The following SSPN variants were observed in gnomAD, a reference collection of about 807,000 sequenced individuals.
The protein encoded by SSPN is sarcospan.
SSPN carries 15 observed loss-of-function variants against 19.1 expected under a neutral mutation model. The ratio of observed to expected loss-of-function variants is 0.78; its 90% CI spans 0.52 to 1.21. The LOEUF is 1.21. SSPN is among the 50% of genes most tolerant of loss of function. SSPN has a pLI of 0.00. For synonymous variants in SSPN, 147 were observed against 140.3 expected, an observed-to-expected ratio of 1.05 and a Z score of -0.34; for missense variants, 291 against 314.0, an observed-to-expected ratio of 0.93 and a Z score of 0.55.
chr12:26,144,330 G>C (rs1944477409), intron 1 of SSPN, among the ~76,000 whole-genome samples: 1 of 152,182 alleles, frequency 6.6e-6, no homozygotes, highest in Non-Finnish European at 1.5e-5. Flanking sequence ...TGGCCACCAG[G>C]CTGTAAGGCA....
At chr12:26,207,182 TC>T (rs1162317293) in intron 1 of SSPN, among the ~76,000 whole-genome samples, 1 of 152,214 alleles carries the variant, frequency 6.6e-6, no homozygotes, top group Non-Finnish European at 1.5e-5. Context: ...AGAATCATTT[TC>T]CAAAAAATAT....
intron 1 of SSPN, among the ~76,000 whole-genome samples, chr12:26,221,294 C>A (rs972107954): frequency 1.3e-5 from 2 of 152,194 alleles, no homozygotes; most frequent in Non-Finnish European, 2.9e-5. Context: ...AAGTTTTCAT[C>A]AGGGTAGTCA....
intron 1 of SSPN, among the ~76,000 whole-genome samples, chr12:26,186,827 A>T (rs1011435426): frequency 1.1e-4 from 17 of 152,202 alleles, no homozygotes; most frequent in Non-Finnish European, 2.1e-4. Flanking sequence ...ATGGTGATGC[A>T]GTGGTAAACA....
At chr12:26,174,805 G>A (rs1168967966) in intron 1 of SSPN, among the ~76,000 whole-genome samples, 1 of 152,148 alleles carries the variant, frequency 6.6e-6, no homozygotes, top group Non-Finnish European at 1.5e-5. Context: ...ACAGGCGTGA[G>A]CCACCGTGCC....
intron 1 of SSPN, among the ~76,000 whole-genome samples, chr12:26,183,468 A>T (rs115187039): frequency 6.6e-6 from 1 of 152,194 alleles, no homozygotes; most frequent in Non-Finnish European, 1.5e-5. Context: ...AACTAAATTC[A>T]ATGAATATAT....
intron 1 of SSPN, among the ~76,000 whole-genome samples, chr12:26,198,297 G>A (rs1157401028): frequency 6.6e-6 from 1 of 152,154 alleles, no homozygotes; most frequent in Non-Finnish European, 1.5e-5. Flanking sequence ...CTAAGTAGCT[G>A]GAATTACAGG....
At chr12:26,213,003 A>G (rs948843803) in intron 1 of SSPN, among the ~76,000 whole-genome samples, 1 of 151,714 alleles carries the variant, frequency 6.6e-6, no homozygotes, top group African/African-American at 2.4e-5. Flanking sequence ...TTGCGCCCCT[A>G]TTACTTCTGG....
intron 1 of SSPN, among the ~76,000 whole-genome samples, chr12:26,222,968 T>A (rs1404954101): frequency 6.6e-6 from 1 of 152,168 alleles, no homozygotes; most frequent in Non-Finnish European, 1.5e-5. Context: ...CCTCCCCATC[T>A]CTTTCTCTGA....
In SSPN at chr12:26,231,030, G is replaced by A. The variant is rs377309867; in HGVS notation, c.686G>A (p.Arg229Lys). The change falls in exon 3 of 3, where the codon AGG becomes AAG. Residue 229 changes from arginine (R) to lysine (K), a missense_variant. Transcript: ENST00000242729. ...TACCAGGTCTTCTATGTGGGTGTCAGGATATGCTCCCTCACGGCTTCCGAA... is the reference window on the plus strand; with the variant it reads ...TACCAGGTCTTCTATGTGGGTGTCAAGATATGCTCCCTCACGGCTTCCGAA... ...HRYQVFYVGV[R>K]ICSLTASEGP... 214 of 1,614,046 alleles carry A rather than the reference G, an allele frequency of 1.3e-4. No homozygotes were observed. The Middle Eastern group carries it at 4.8e-3, about 36-fold the overall frequency.
chr12:26,180,432 G>A (rs954614471), intron 1 of SSPN: 2 of 152,136 alleles, frequency 1.3e-5, no homozygotes, highest in African/African-American at 4.8e-5. Flanking sequence ...GGTGACAAGG[G>A]AAGGGACTTG....
At chr12:26,147,350 G>A (rs1467650903) in intron 1 of SSPN, among the ~76,000 whole-genome samples, 2 of 150,346 alleles carry the variant, frequency 1.3e-5, no homozygotes, top group East Asian at 2.0e-4. Flanking sequence ...TTGGCTCACT[G>A]CAACCTCCGC....
At chr12:26,196,183 G>A (rs1944828840) in intron 1 of SSPN, among the ~76,000 whole-genome samples, 1 of 152,200 alleles carries the variant, frequency 6.6e-6, no homozygotes, top group African/African-American at 2.4e-5. Context: ...GCCTCCACGG[G>A]GCCTGACTCT....
intron 1 of SSPN, among the ~76,000 whole-genome samples, chr12:26,127,687 G>A (rs1333593518): frequency 6.6e-6 from 1 of 151,266 alleles, no homozygotes; most frequent in Non-Finnish European, 1.5e-5. Context: ...CCTGTTAAAT[G>A]CCAGCTTTTG....
At chr12:26,133,663 T>C (rs145506054) in intron 1 of SSPN, among the ~76,000 whole-genome samples, 3 of 152,356 alleles carry the variant, frequency 2.0e-5, no homozygotes, top group East Asian at 1.9e-4. Flanking sequence ...CTGCCTGCCA[T>C]GTGGAAGAGG....
At chr12:26,191,640 AG>A (rs1944788263), upstream of SSPN, among the ~76,000 whole-genome samples, 1 of 152,082 alleles carries the variant, frequency 6.6e-6, no homozygotes, top group Non-Finnish European at 1.5e-5. Flanking sequence ...ATAGGAATAA[AG>A]AAAATAAAAA....
chr12:26,133,101 G>A (rs1348952687), intron 1 of SSPN, among the ~76,000 whole-genome samples: 1 of 152,158 alleles, frequency 6.6e-6, no homozygotes, highest in Non-Finnish European at 1.5e-5. Context: ...TCCTGAAAAG[G>A]ACAACTTCCT....
intron 1 of SSPN, among the ~76,000 whole-genome samples, chr12:26,206,183 A>G (rs1286615168): frequency 2.0e-5 from 3 of 152,130 alleles, no homozygotes; most frequent in Non-Finnish European, 4.4e-5. Context: ...CCGTGTTGCC[A>G]TGGGAGGCGA....
intron 1 of SSPN, among the ~76,000 whole-genome samples, chr12:26,133,056 A>C (rs979080004): frequency 1.8e-4 from 27 of 152,220 alleles, no homozygotes; most frequent in Admixed American, 1.8e-3. Context: ...AACTCATTAC[A>C]ATGACCCATA....
At chr12:26,143,813 C>T (rs1944474302) in intron 1 of SSPN, among the ~76,000 whole-genome samples, 1 of 152,342 alleles carries the variant, frequency 6.6e-6, no homozygotes, top group African/African-American at 2.4e-5. Flanking sequence ...TTTACAGCTG[C>T]TCCCCTTTGC....
Sources: allele counts gnomAD v4.1 joint callset (sites outside exome capture counted in the v4.1 genomes callset), GRCh38; gene constraint gnomAD v4.1.1; transcripts MANE v1.5; gene names NCBI Gene and HGNC (gene_info 2026-07-23, HGNC 2026-07-21).